The following GPR176 variants were observed in gnomAD, a reference collection of about 807,000 sequenced individuals.
The protein encoded by GPR176 is G-protein coupled receptor 176.
GPR176 carries 26 observed loss-of-function variants against 35.4 expected under a neutral mutation model. The observed-to-expected ratio is 0.74, with a 90% CI of 0.54 to 1.02. The LOEUF (loss-of-function observed/expected upper bound fraction) is 1.02, where lower values mean the gene tolerates loss of function less well. Among genes scored for constraint, GPR176 ranks in the 50% least tolerant of loss-of-function variants. The pLI is 0.00. For missense variants in GPR176, 597 were observed against 665.3 expected (o/e 0.90, Z 1.13); for synonymous variants, 278 against 271.3 (o/e 1.02, Z -0.24).
intron 1 of GPR176, among the ~76,000 whole-genome samples, chr15:39,908,956 G>A (rs2033501137): frequency 6.6e-6 from 1 of 152,126 alleles, no homozygotes; most frequent in African/African-American, 2.4e-5. Context: ...GCTATACAGA[G>A]TACTGTGAGG....
chr15:39,837,994 A>AT (rs1901511664), intron 1 of GPR176, among the ~76,000 whole-genome samples: 1 of 24,360 alleles, frequency 4.1e-5, no homozygotes, highest in Non-Finnish European at 6.9e-5. Context: ...TCCATTAATT[A>AT]AAAAAAAAAA....
intron 1 of GPR176, chr15:39,909,826 C>G (rs755518800): frequency 3.2e-5 from 22 of 697,560 alleles, no homozygotes; most frequent in Non-Finnish European, 3.7e-5. Context: ...TCACAACCAA[C>G]ATAATAACTG....
chr15:39,826,811 C>T (rs763868938), intron 1 of GPR176, among the ~76,000 whole-genome samples: 3 of 152,164 alleles, frequency 2.0e-5, no homozygotes, highest in Non-Finnish European at 2.9e-5. Context: ...CAGAGTCAGC[C>T]TCCAAGGAAG....
chr15:39,827,466 T>C (rs1021857930), intron 1 of GPR176, among the ~76,000 whole-genome samples: 1 of 152,156 alleles, frequency 6.6e-6, no homozygotes, highest in African/African-American at 2.4e-5. Context: ...TGTTGAACCC[T>C]TAGAGAAGAA....
At chr15:39,804,159 T>C (rs954364919) in intron 2 of GPR176, among the ~76,000 whole-genome samples, 3 of 152,176 alleles carry the variant, frequency 2.0e-5, no homozygotes, top group East Asian at 1.9e-4. Context: ...CCGTTACATG[T>C]TGGGAAACAG....
At chr15:39,888,056 A>G (rs527776419) in intron 1 of GPR176, among the ~76,000 whole-genome samples, 28 of 152,184 alleles carry the variant, frequency 1.8e-4, no homozygotes, top group Non-Finnish European at 3.7e-4. Flanking sequence ...GTCTTCCCAC[A>G]GTTTGCCACG....
intron 1 of GPR176, chr15:39,813,309 A>G (rs185077561): frequency 6.6e-6 from 1 of 152,278 alleles, no homozygotes; most frequent in Non-Finnish European, 1.5e-5. Flanking sequence ...CTTTCCACCT[A>G]AGGAATGTCC....
intron 1 of GPR176, among the ~76,000 whole-genome samples, chr15:39,852,488 G>A (rs1277060904): frequency 2.6e-5 from 4 of 152,150 alleles, no homozygotes; most frequent in African/African-American, 7.2e-5. Context: ...ATCTGAAAAC[G>A]AGTCTGAATA....
intron 1 of GPR176, among the ~76,000 whole-genome samples, chr15:39,917,933 T>C (rs2140883545): frequency 6.6e-6 from 1 of 150,710 alleles, no homozygotes; most frequent in Non-Finnish European, 1.5e-5. Context: ...TAATCCCAGC[T>C]ACTCAGGGGG....
chr15:39,877,417 T>A lies in GPR176; in HGVS notation c.172+42438A>T, dbSNP rs149725037. Among the ~76,000 whole-genome samples the A allele has an allele frequency of 1.7e-3, 259 of 152,358 alleles. 1 individual carries two copies. Among genetic ancestry groups the A allele is most frequent in the African/African-American group, 5.7e-3 (235 of 41,584 alleles). On this transcript the variant is annotated intron_variant, in intron 1 of 2. Coordinates refer to ENST00000561100, the MANE Select transcript of GPR176 (RefSeq NM_007223.3). ...GTAGGCAAACACAAAAGATGTTCCA[T>A]CAAATGTGAGCAAATATTTTTCTAA...
rs275740 is a variant in GPR176, at chr15:39,808,100, C to T, written c.173-842G>A. On this transcript the variant is annotated intron_variant, in intron 1 of 2. Transcript: ENST00000561100. ...TTTACAGAAGAGCATGGTACAGCTC[C>T]GCCCCCTCTATCCTCTCTCAATAGC... 9.1e-3 allele frequency among the ~76,000 whole-genome samples: 1,381 copies of T among 152,166 alleles called. 23 individuals are homozygous for T. Among genetic ancestry groups the T allele is most frequent in the African/African-American group, 0.032 (1,310 of 41,482 alleles).
intron 1 of GPR176, among the ~76,000 whole-genome samples, chr15:39,812,730 T>C (rs1899651681): frequency 7.2e-6 from 1 of 138,610 alleles, no homozygotes. Context: ...TCCTAATTCC[T>C]CTCTTCTAAG....
chr15:39,844,965 T>C (rs1256001061), intron 1 of GPR176, among the ~76,000 whole-genome samples: 2 of 152,118 alleles, frequency 1.3e-5, no homozygotes, highest in Non-Finnish European at 2.9e-5. Flanking sequence ...GGTCCCCTAC[T>C]CCCAGTTCTA....
chr15:39,851,434 T>G (rs2030856909), intron 1 of GPR176, among the ~76,000 whole-genome samples: 1 of 152,176 alleles, frequency 6.6e-6, no homozygotes, highest in Non-Finnish European at 1.5e-5. Context: ...ACAAACTGTC[T>G]ACTTGAAATA....
chr15:39,834,178 C>A (rs1331628618), intron 1 of GPR176, among the ~76,000 whole-genome samples: 1 of 152,144 alleles, frequency 6.6e-6, no homozygotes. Context: ...AGAACCCAAA[C>A]CTAGCACAGA....
chr15:39,830,963 C>T (rs1398910466), intron 1 of GPR176, among the ~76,000 whole-genome samples: 1 of 152,148 alleles, frequency 6.6e-6, no homozygotes. Context: ...CACTACATTC[C>T]ATGTTTAGTT....
At chr15:39,853,005 G>A (rs1039704771) in intron 1 of GPR176, among the ~76,000 whole-genome samples, 10 of 152,196 alleles carry the variant, frequency 6.6e-5, no homozygotes, top group African/African-American at 2.4e-4. Flanking sequence ...AAACAGTATG[G>A]AGGTTCCTCA....
chr15:39,910,421 C>T (rs940837058), intron 1 of GPR176, among the ~76,000 whole-genome samples: 11 of 151,962 alleles, frequency 7.2e-5, no homozygotes, highest in African/African-American at 2.4e-4. Flanking sequence ...AACCCCATCT[C>T]TACTAAAAAT....
At chr15:39,906,909 A>G (rs1462299345) in intron 1 of GPR176, among the ~76,000 whole-genome samples, 1 of 152,268 alleles carries the variant, frequency 6.6e-6, no homozygotes, top group African/African-American at 2.4e-5. Context: ...TATTGGGGAC[A>G]CAGCAGTGCA....
Sources: gnomAD v4.1 joint callset for allele counts (sites outside exome capture counted in the v4.1 genomes callset) on GRCh38, gnomAD v4.1.1 for gene constraint, MANE v1.5 for transcripts, NCBI Gene and HGNC (gene_info 2026-07-23, HGNC 2026-07-21) for gene names.